The following BBS9 variants were observed in gnomAD, a reference collection of about 807,000 sequenced individuals.
The protein encoded by BBS9 is protein PTHB1.
In BBS9, 89 loss-of-function variants were observed where a neutral mutation model predicts 117.7. The ratio of observed to expected loss-of-function variants is 0.76; its 90% CI spans 0.64 to 0.90. The LOEUF (loss-of-function observed/expected upper bound fraction) is 0.90, where lower values mean the gene tolerates loss of function less well. BBS9 is among the 40% of genes least tolerant of loss of function. The probability of loss-of-function intolerance (pLI) is 0.00; values close to 1 mark genes in which losing one functional copy is unlikely to be tolerated. For synonymous variants in BBS9, 379 were observed against 370.9 expected, an observed-to-expected ratio of 1.02 and a Z score of -0.25; for missense variants, 982 against 1,042.2, an observed-to-expected ratio of 0.94 and a Z score of 0.80.
At position 33,605,370 on chromosome 7, in the gene BBS9, G is replaced by T; in HGVS notation, c.*144G>T. On this transcript the variant is annotated 3_prime_UTR_variant, in exon 23 of 23. Coordinates refer to ENST00000242067, the MANE Select transcript of BBS9 (RefSeq NM_198428.3). ...GGAGATGACATGCATAGAAAGAGGG[G>T]TTGGGACTTTTTACTTCACTAGGAG... is the stretch of plus-strand genomic sequence containing the variant. 1 of 866,688 alleles carries T rather than the reference G, an allele frequency of 1.2e-6. No individual in the cohort carries two copies. Among genetic ancestry groups the T allele is most frequent in the Non-Finnish European group, 1.9e-6 (1 of 514,352 alleles). 53.7% of individuals were successfully genotyped at this position (866,688 alleles called of 1,614,324 possible).
intron 9 of BBS9, among the ~76,000 whole-genome samples, chr7:33,330,196 G>C (rs552888506): frequency 6.6e-6 from 1 of 152,054 alleles, no homozygotes; most frequent in Non-Finnish European, 1.5e-5. Flanking sequence ...TTGTATTTTA[G>C]TAGAGATGGG....
chr7:33,315,441 A>G (rs1465881620), intron 9 of BBS9, among the ~76,000 whole-genome samples: 1 of 152,116 alleles, frequency 6.6e-6, no homozygotes, highest in Non-Finnish European at 1.5e-5. Flanking sequence ...TCATTCTCTT[A>G]CCCAAAGCAA....
chr7:33,264,368 A>G lies in BBS9; in HGVS notation c.696A>G (p.Arg232=), dbSNP rs1248936112. The change falls in exon 7 of 23, where the codon AGA becomes AGG. Residue 232 remains arginine, a synonymous_variant. Transcript: ENST00000242067. ...TEQQKLGSGK[R]LVVDWTLNIG... ...AGCAAAAACTTGGTTCTGGAAAAAG[A>G]CTAGTTGTAAGGCCTTTTTTTAATA... The G allele has an allele frequency of 6.3e-7, 1 of 1,578,390 alleles. No individual in the cohort carries two copies. The highest frequency in any genetic ancestry group is 8.6e-7 in the Non-Finnish European group (1 of 1,160,194).
intron 19 of BBS9, among the ~76,000 whole-genome samples, chr7:33,395,256 AT>A (rs772699615): frequency 3.3e-5 from 5 of 152,266 alleles, no homozygotes; most frequent in East Asian, 3.9e-4. Flanking sequence ...GACTTTGTTG[AT>A]TTCACTTATA....
At chr7:33,250,963 G>T (rs1796124889) in intron 5 of BBS9, among the ~76,000 whole-genome samples, 1 of 152,160 alleles carries the variant, frequency 6.6e-6, no homozygotes, top group African/African-American at 2.4e-5. Flanking sequence ...TGGGACAGGG[G>T]CTCTGTGGGA....
intron 19 of BBS9, among the ~76,000 whole-genome samples, chr7:33,473,147 C>T (rs1172805304): frequency 6.6e-6 from 1 of 152,094 alleles, no homozygotes; most frequent in Non-Finnish European, 1.5e-5. Context: ...TTATGTCTTC[C>T]CCTACCAGTT....
intron 19 of BBS9, among the ~76,000 whole-genome samples, chr7:33,502,464 C>T (rs1354979788): frequency 6.6e-6 from 1 of 152,066 alleles, no homozygotes; most frequent in African/African-American, 2.4e-5. Context: ...CATAAATAAC[C>T]TCAAGAAACT....
At chr7:33,591,048 G>C (rs1249490644) in intron 21 of BBS9, among the ~76,000 whole-genome samples, 1 of 151,994 alleles carries the variant, frequency 6.6e-6, no homozygotes, top group Admixed American at 6.6e-5. Flanking sequence ...ATAGAATACA[G>C]GAGCTGATTG....
intron 15 of BBS9, among the ~76,000 whole-genome samples, chr7:33,354,431 C>T (rs956022840): frequency 1.3e-5 from 2 of 152,102 alleles, no homozygotes; most frequent in African/African-American, 4.8e-5. Context: ...ATTAAAGTTA[C>T]ATGGCGTGAG....
intron 19 of BBS9, among the ~76,000 whole-genome samples, chr7:33,393,916 A>G (rs1417502710): frequency 6.6e-6 from 1 of 151,948 alleles, no homozygotes; most frequent in Non-Finnish European, 1.5e-5. Flanking sequence ...TTCCCTCCCT[A>G]TTTTCAAATG....
chr7:33,160,148 T>TA (rs1313534982), intron 4 of BBS9, among the ~76,000 whole-genome samples: 1 of 152,206 alleles, frequency 6.6e-6, no homozygotes, highest in Non-Finnish European at 1.5e-5. Context: ...TGTGTGACCA[T>TA]AGCCTTTAGG....
intron 19 of BBS9, among the ~76,000 whole-genome samples, chr7:33,421,179 AT>A (rs397962607): frequency 0.012 from 1,764 of 146,012 alleles, 21 homozygotes; most frequent in African/African-American, 0.032. Flanking sequence ...AGGATTTTTA[AT>A]TTTTTTTTTT....
intron 12 of BBS9, among the ~76,000 whole-genome samples, chr7:33,347,793 C>T (rs921952128): frequency 3.3e-5 from 5 of 151,562 alleles, no homozygotes; most frequent in African/African-American, 7.3e-5. Context: ...TGAAAAGAAA[C>T]TTCAAAACTA....
At chr7:33,511,654 G>A (rs746218317) in intron 20 of BBS9, among the ~76,000 whole-genome samples, 2 of 152,154 alleles carry the variant, frequency 1.3e-5, no homozygotes, top group Non-Finnish European at 2.9e-5. Context: ...TACATCAGTG[G>A]GGGAAGGAGA....
intron 12 of BBS9, chr7:33,346,507 A>G (rs1305350593): frequency 1.1e-5 from 2 of 180,984 alleles, no homozygotes; most frequent in Non-Finnish European, 2.4e-5. Flanking sequence ...AATGTTTTAT[A>G]TTTTCTCCTT....
At chr7:33,420,953 G>A (rs773353766) in intron 19 of BBS9, among the ~76,000 whole-genome samples, 2 of 152,068 alleles carry the variant, frequency 1.3e-5, no homozygotes, top group Non-Finnish European at 2.9e-5. Flanking sequence ...CATTGCATCC[G>A]TATCATCGAG....
chr7:33,631,471 T>A (rs1865887082), intron 21 of BBS9, among the ~76,000 whole-genome samples: 1 of 152,190 alleles, frequency 6.6e-6, no homozygotes, highest in Non-Finnish European at 1.5e-5. Flanking sequence ...CTTTGCATCC[T>A]TAGCTCCTTT....
At chr7:33,553,808 T>C (rs533239523) in intron 21 of BBS9, among the ~76,000 whole-genome samples, 2 of 152,230 alleles carry the variant, frequency 1.3e-5, no homozygotes, top group South Asian at 2.1e-4. Flanking sequence ...ATGCTAGGCA[T>C]TGGGGTATGA....
intron 1 of BBS9, among the ~76,000 whole-genome samples, chr7:33,144,229 C>T (rs1791991405): frequency 6.6e-6 from 1 of 152,136 alleles, no homozygotes; most frequent in Non-Finnish European, 1.5e-5. Flanking sequence ...TTATTTACAG[C>T]CAATTTCTTG....
Sources: gnomAD v4.1 joint callset for allele counts (sites outside exome capture counted in the v4.1 genomes callset) on GRCh38, gnomAD v4.1.1 for gene constraint, MANE v1.5 for transcripts, NCBI Gene and HGNC (gene_info 2026-07-23, HGNC 2026-07-21) for gene names.